ADAMTS15: variants seen among roughly 807,000 people sequenced by gnomAD.
ADAMTS15 encodes A disintegrin and metalloproteinase with thrombospondin motifs 15.
Under a neutral mutation model 79.1 loss-of-function variants are expected in ADAMTS15, and 35 were observed. The observed-to-expected ratio is 0.44, with a 90% confidence interval of 0.34 to 0.59. The LOEUF (loss-of-function observed/expected upper bound fraction) is 0.59. ADAMTS15 is among the 20% of genes least tolerant of loss of function. The pLI is 0.02. For missense variants in ADAMTS15, 1,324 were observed against 1,318.7 expected, an observed-to-expected ratio of 1.00 and a Z score of -0.06; for synonymous variants, 616 against 567.3, an observed-to-expected ratio of 1.09 and a Z score of -1.22.
In ADAMTS15 at chr11:130,476,645, G is replaced by T. The variant is rs943947861; in HGVS notation, c.*2824G>T. On this transcript the variant is annotated 3_prime_UTR_variant, in exon 8 of 8. Coordinates refer to ENST00000299164, the MANE Select transcript of ADAMTS15 (RefSeq NM_139055.4). ...ATAAAGCTGTAAGTATTTAAAACCT[G>T]TGTCCTGCCTCTGTGACTGCTTCTC... is the stretch of plus-strand genomic sequence containing the variant. 6.6e-6 allele frequency: 1 copy of T among 152,320 alleles called. No homozygotes were observed. The highest frequency in any genetic ancestry group is 1.5e-5 in the Non-Finnish European group (1 of 68,158). 9.4% of individuals were successfully genotyped at this position (152,320 alleles called of 1,614,324 possible).
chr11:130,460,209 A>G (rs995014320), intron 1 of ADAMTS15, among the ~76,000 whole-genome samples: 1 of 152,126 alleles, frequency 6.6e-6, no homozygotes, highest in African/African-American at 2.4e-5. Context: ...GAAATGCAGA[A>G]TGCCTTATGC....
intron 1 of ADAMTS15, among the ~76,000 whole-genome samples, chr11:130,455,722 T>G (rs912172081): frequency 1.1e-4 from 17 of 152,298 alleles, no homozygotes; most frequent in Middle Eastern, 3.4e-3. Context: ...AGGTGTGTGT[T>G]TAATCCACCT....
rs1308527737 is a variant in ADAMTS15 at position 130,469,245 on chromosome 11, CAGG to C, written c.1543-16_1543-14del. On this transcript the variant is annotated splice_polypyrimidine_tract_variant and intron_variant, in intron 4 of 7. Transcript: ENST00000299164. ...CACCTGGATCCACCAAGGAATATAA[CAGG>C]CTCTTCCTCACAGGTGGATGGTTCC... The C allele has an allele frequency of 7.2e-7, 1 of 1,380,988 alleles. No homozygotes were observed. 85.5% of individuals were successfully genotyped at this position (1,380,988 alleles called of 1,614,324 possible). A position where few individuals can be genotyped will look rare whatever the true frequency, so the allele number is the denominator to read the frequency against.
At chr11:130,450,129 G>A (rs1937933244) in intron 1 of ADAMTS15, 199 bp downstream of exon 1, 3 of 985,384 alleles carry the variant, frequency 3.0e-6, no homozygotes, top group Non-Finnish European at 3.6e-6. Context: ...GTGCATCTGG[G>A]CCATTGGAGG....
intron 1 of ADAMTS15, 165 bp downstream of exon 1, chr11:130,450,095 A>G: frequency 2.0e-6 from 2 of 985,448 alleles, no homozygotes; most frequent in Non-Finnish European, 2.4e-6. Flanking sequence ...GCCCTCTCCC[A>G]CGCTCCGCGG....
intron 4 of ADAMTS15, among the ~76,000 whole-genome samples, chr11:130,468,968 G>GAAAAAAAAAAAAAAAAAAAAAAAAAAAAA (rs1938365316): frequency 7.4e-6 from 1 of 135,014 alleles, no homozygotes; most frequent in African/African-American, 3.1e-5. Flanking sequence ...AAAAAAAAAG[G>GAAAAAAAAAAAAAAAAAAAAAAAAAAAAA]AAAACACATC....
chr11:130,466,640 A>G (rs562945658), intron 4 of ADAMTS15, among the ~76,000 whole-genome samples: 1 of 152,092 alleles, frequency 6.6e-6, no homozygotes, highest in Non-Finnish European at 1.5e-5. Context: ...GTTGCCTCCA[A>G]CTGGTCTCCC....
Position 130,469,257 on chromosome 11 carries a change from C to G in ADAMTS15, c.1543-5C>G. 7.2e-7 allele frequency: 1 copy of G among 1,390,742 alleles called. No homozygotes were observed. The highest frequency in any genetic ancestry group is 9.4e-7 in the Non-Finnish European group (1 of 1,067,492). 86.2% of individuals were successfully genotyped at this position (1,390,742 alleles called of 1,614,324 possible). A position where few individuals can be genotyped will look rare whatever the true frequency, so the allele number is the denominator to read the frequency against. On this transcript the variant is annotated splice_polypyrimidine_tract_variant and splice_region_variant and intron_variant, in intron 4 of 7. Coordinates refer to ENST00000299164, the MANE Select transcript of ADAMTS15 (RefSeq NM_139055.4). The stretch of plus-strand genomic sequence containing the variant: ...CCAAGGAATATAACAGGCTCTTCCT[C>G]ACAGGTGGATGGTTCCTGGGCCAAA...
intron 1 of ADAMTS15, 93 bp from the exon 2 acceptor site, chr11:130,461,396 G>A: frequency 6.4e-7 from 1 of 1,563,778 alleles, no homozygotes; most frequent in Non-Finnish European, 8.7e-7. Context: ...AGATGAGCTG[G>A]AATGTCCTAT....
Position 130,469,373 on chromosome 11 carries a change from G to A in ADAMTS15, c.1654G>A (p.Gly552Ser). 2.2e-6 allele frequency: 3 copies of A among 1,362,174 alleles called. No homozygotes were observed. The highest frequency in any genetic ancestry group is 1.9e-6 in the Non-Finnish European group (2 of 1,048,810). 84.4% of individuals were successfully genotyped at this position (1,362,174 alleles called of 1,614,324 possible). ...QCTNPTPANGGKYCEGVRVKY... is the reference protein window; with the variant it reads ...QCTNPTPANGSKYCEGVRVKY... Reference sequence around the variant, plus strand: ...CACCAACCCCACCCCTGCCAACGGGGGCAAGTACTGCGAGGGAGTGAGGGT... The same window carrying A: ...CACCAACCCCACCCCTGCCAACGGGAGCAAGTACTGCGAGGGAGTGAGGGT... Residue 552 changes from glycine (G) to serine (S), a missense_variant, in exon 5 of 8, where the codon GGC (glycine) becomes AGC (serine). By Grantham distance (56) the Gly-to-Ser change is moderately conservative (BLOSUM62 0). Coordinates refer to ENST00000299164, the MANE Select transcript of ADAMTS15 (RefSeq NM_139055.4).
At chr11:130,450,341 A>C (rs928629271) in intron 1 of ADAMTS15, 73 of 985,310 alleles carry the variant, frequency 7.4e-5, no homozygotes, top group Non-Finnish European at 8.4e-5. Flanking sequence ...GTCTTCTCGG[A>C]CACCTCCTGA....
Position 130,473,266 on chromosome 11 carries a change from G to A in ADAMTS15, c.2298G>A (p.Val766=). Residue 766 remains valine (V), a synonymous_variant, in exon 8 of 8, where the codon GTG becomes GTA. Transcript: ENST00000299164. ...LLRYSGTGTA[V]ESLQASRPIL... Reference sequence around the variant, plus strand: ...GGTACAGCGGCACGGGCACAGCGGTGGAGAGCCTGCAGGCTTCCCGGCCCA... The same window carrying A: ...GGTACAGCGGCACGGGCACAGCGGTAGAGAGCCTGCAGGCTTCCCGGCCCA... 6.2e-7 allele frequency: 1 copy of A among 1,613,442 alleles called. No individual in the cohort carries two copies. The highest frequency in any genetic ancestry group is 1.1e-5 in the South Asian group (1 of 91,084).
chr11:130,473,782 G>A lies in ADAMTS15; in HGVS notation c.2814G>A (p.Lys938=). The stretch of plus-strand genomic sequence containing the variant: ...GGGACCAGTGCAACTTGCACCGCAA[G>A]CCCCAGGAGCTGGACTTCTGCGTCC... ...LARDQCNLHR[K]PQELDFCVLR... Residue 938 remains lysine (K), a synonymous_variant, in exon 8 of 8, where the codon AAG becomes AAA. Coordinates refer to ENST00000299164, the MANE Select transcript of ADAMTS15 (RefSeq NM_139055.4). 2.5e-6 allele frequency: 4 copies of A among 1,598,784 alleles called. No homozygotes were observed. The highest frequency in any genetic ancestry group is 3.4e-6 in the Non-Finnish European group (4 of 1,179,582).
chr11:130,473,084 G>A lies in ADAMTS15; in HGVS notation c.2116G>A (p.Ala706Thr), dbSNP rs750547267. Residue 706 changes from alanine (A) to threonine (T), a missense_variant, in exon 8 of 8, where the codon GCC becomes ACC. Physicochemically the swap from Ala to Thr is moderately conservative, Grantham distance 58. Coordinates refer to ENST00000299164, the MANE Select transcript of ADAMTS15 (RefSeq NM_139055.4). ...TTTCGTGGTGGCCATCCCCGCAGGCGCCTCAAGCATCGACATCCGCCAGCG... is the reference window on the plus strand; with the variant it reads ...TTTCGTGGTGGCCATCCCCGCAGGCACCTCAAGCATCGACATCCGCCAGCG... ...YNFVVAIPAG[A>T]SSIDIRQRGY... 6 of 1,613,710 alleles carry A rather than the reference G, an allele frequency of 3.7e-6. No homozygotes were observed. Among genetic ancestry groups the A allele is most frequent in the African/African-American group, 2.7e-5 (2 of 74,924 alleles).
intron 1 of ADAMTS15, 136 bp from the exon 2 acceptor site, chr11:130,461,353 C>T (rs542503997): frequency 1.6e-6 from 2 of 1,264,134 alleles, no homozygotes; most frequent in South Asian, 1.4e-5. Context: ...AAGAGCCCAG[C>T]TGGAAGGTGC....
chr11:130,470,876 T>A (rs779833143), intron 5 of ADAMTS15, 44 bp from the exon 6 acceptor site: 1 of 1,587,880 alleles, frequency 6.3e-7, no homozygotes, highest in Admixed American at 1.7e-5. Context: ...GCACCGGCCT[T>A]GTCCCTTCCC....
intron 5 of ADAMTS15, 98 bp from the exon 6 acceptor site, chr11:130,470,822 G>A (rs1938434928): frequency 1.0e-5 from 14 of 1,358,372 alleles, no homozygotes; most frequent in Middle Eastern, 2.7e-4. Flanking sequence ...AGGGTGGGAA[G>A]GGCTAAGAGA....
intron 1 of ADAMTS15, among the ~76,000 whole-genome samples, chr11:130,460,231 C>T (rs191008123): frequency 4.0e-5 from 6 of 151,014 alleles, no homozygotes; most frequent in South Asian, 2.1e-4. Flanking sequence ...TTAAAGGCAG[C>T]GATGTAATGA....
Position 130,449,070 on chromosome 11 carries a change from C to T in ADAMTS15, c.97C>T (p.Pro33Ser), listed in dbSNP as rs1937892113. Residue 33 changes from proline (P) to serine (S), a missense_variant, in exon 1 of 8, where the codon CCG becomes TCG. Physicochemically the swap from Pro to Ser is moderately conservative, Grantham distance 74. Coordinates refer to ENST00000299164, the MANE Select transcript of ADAMTS15 (RefSeq NM_139055.4). The surrounding 1 kb of genome is among the most constrained non-coding windows in gnomAD (Gnocchi z 7.8). Reference protein sequence around the residue: ...REVVVPIRLDPDINGRRYYWR... With the variant: ...REVVVPIRLDSDINGRRYYWR... ...GGTAGTCGTTCCCATCCGACTGGACCCGGACATTAACGGCCGCCGCTACTA... is the reference window on the plus strand; with the variant it reads ...GGTAGTCGTTCCCATCCGACTGGACTCGGACATTAACGGCCGCCGCTACTA... 6 of 1,573,834 alleles carry T rather than the reference C, an allele frequency of 3.8e-6. No homozygotes were observed. Among genetic ancestry groups the T allele is most frequent in the African/African-American group, 1.4e-5 (1 of 73,664 alleles).
Sources: allele counts gnomAD v4.1 joint callset (sites outside exome capture counted in the v4.1 genomes callset), GRCh38; gene constraint gnomAD v4.1.1; non-coding constraint Gnocchi (gnomAD v3.1); transcripts MANE v1.5; gene names NCBI Gene and HGNC (gene_info 2026-07-23, HGNC 2026-07-21).